Variants in PTBP2 observed in about 807,000 individuals in gnomAD.
PTBP2 encodes the protein polypyrimidine tract-binding protein 2.
PTBP2 carries 13 observed loss-of-function variants against 61.4 expected under a neutral mutation model. The ratio of observed to expected loss-of-function variants is 0.21; its 90% CI spans 0.14 to 0.34. The LOEUF is 0.34. PTBP2 is among the 10% of genes least tolerant of loss of function. PTBP2 has a pLI of 1.00. For missense variants in PTBP2, 405 were observed against 642.6 expected (o/e 0.63, Z 4.00); for synonymous variants, 215 against 218.5 (o/e 0.98, Z 0.14).
chr1:96,742,294 A>G (rs532722561), intron 2 of PTBP2, among the ~76,000 whole-genome samples: 1 of 152,328 alleles, frequency 6.6e-6, no homozygotes, highest in South Asian at 2.1e-4. Context: ...AAGGATTTTA[A>G]ACAGCTTATA....
chr1:96,736,319 TACTG>T lies in PTBP2; in HGVS notation c.39+12728_39+12731del, dbSNP rs1298852926. Among the ~76,000 whole-genome samples the T allele has an allele frequency of 4.6e-5, 7 of 152,322 alleles. No individual in the cohort carries two copies. The South Asian group carries it at 8.3e-4, about 18-fold the overall frequency. ...TGGTAGGTCTGTGAGTAAATCTAAT[TACTG>T]ACCATATAAGAATGTAATAGCAGTG... is the stretch of plus-strand genomic sequence containing the variant. On this transcript the variant is annotated intron_variant, in intron 2 of 13. Coordinates refer to ENST00000674951, the MANE Select transcript of PTBP2 (RefSeq NM_021190.4).
chr1:96,792,674 C>CA (rs1659975860), intron 8 of PTBP2, among the ~76,000 whole-genome samples: 1 of 151,552 alleles, frequency 6.6e-6, no homozygotes, highest in East Asian at 1.9e-4. Flanking sequence ...ATTAAAATAC[C>CA]AAAAATGTGT....
intron 3 of PTBP2, among the ~76,000 whole-genome samples, chr1:96,762,096 CA>C (rs1655960064): frequency 6.6e-6 from 1 of 151,206 alleles, no homozygotes; most frequent in Non-Finnish European, 1.5e-5. Context: ...TTTCTTAGTA[CA>C]GAACAAAATG....
At chr1:96,781,837 G>A (rs1303327805) in intron 7 of PTBP2, among the ~76,000 whole-genome samples, 1 of 151,890 alleles carries the variant, frequency 6.6e-6, no homozygotes, top group Non-Finnish European at 1.5e-5. Context: ...TCAATAAAAA[G>A]TATTTTATGC....
intron 2 of PTBP2, among the ~76,000 whole-genome samples, chr1:96,732,920 C>T (rs1651630934): frequency 6.6e-6 from 1 of 151,842 alleles, no homozygotes; most frequent in Admixed American, 6.6e-5. Flanking sequence ...TAGAAGACCT[C>T]AATTACAGGT....
intron 3 of PTBP2, among the ~76,000 whole-genome samples, chr1:96,758,459 A>G (rs910873786): frequency 6.6e-6 from 1 of 152,074 alleles, no homozygotes; most frequent in Admixed American, 6.5e-5. Flanking sequence ...AAGATTTCAG[A>G]CTAGTATTTC....
chr1:96,756,580 G>A (rs932725178), intron 3 of PTBP2, among the ~76,000 whole-genome samples: 1 of 151,780 alleles, frequency 6.6e-6, no homozygotes, highest in African/African-American at 2.4e-5. Flanking sequence ...ATAAACTGTG[G>A]TGTATATTCA....
intron 8 of PTBP2, among the ~76,000 whole-genome samples, chr1:96,800,709 G>A (rs950674466): frequency 1.3e-5 from 2 of 152,170 alleles, no homozygotes; most frequent in African/African-American, 4.8e-5. Context: ...ACTCTAGCCT[G>A]GGTGACAGAG....
intron 2 of PTBP2, among the ~76,000 whole-genome samples, chr1:96,734,598 T>G (rs1189711897): frequency 1.3e-5 from 2 of 152,016 alleles, no homozygotes; most frequent in Non-Finnish European, 2.9e-5. Context: ...TAAGTTGCAT[T>G]TCATTTGTTG....
At chr1:96,766,161 A>G (rs140496042) in intron 3 of PTBP2, among the ~76,000 whole-genome samples, 1 of 152,308 alleles carries the variant, frequency 6.6e-6, no homozygotes, top group African/African-American at 2.4e-5. Context: ...TTGGAAGAGA[A>G]GTATTCAAGT....
rs1047281758 is a variant in PTBP2, at chr1:96,722,504, A to G, written c.8+632A>G. On this transcript the variant is annotated intron_variant, in intron 1 of 13. Coordinates refer to ENST00000674951, the MANE Select transcript of PTBP2 (RefSeq NM_021190.4). Reference sequence around the variant, plus strand: ...GCAGATGTCATACTCCTTTGTTTTCATTTGAGTCTGGTAGTGGGGGCGGGA... The same window carrying G: ...GCAGATGTCATACTCCTTTGTTTTCGTTTGAGTCTGGTAGTGGGGGCGGGA... Among the ~76,000 whole-genome samples the G allele has an allele frequency of 4.2e-5, 6 of 142,354 alleles. 1 individual carries two copies. Among genetic ancestry groups the G allele is most frequent in the Non-Finnish European group, 6.1e-5 (4 of 65,796 alleles). 93.4% of individuals were successfully genotyped at this position (142,354 alleles called of 152,430 possible).
chr1:96,804,850 G>A lies in PTBP2; in HGVS notation c.955G>A (p.Ala319Thr). The A allele has an allele frequency of 6.2e-7, 1 of 1,611,340 alleles. No homozygotes were observed. The highest frequency in any genetic ancestry group is 8.5e-7 in the Non-Finnish European group (1 of 1,178,236). ...GGCCATTCCAAATGCTGCTGCAGCA[G>A]CTGCTGCAGCTGCTGCTGGCCGAGT... ...PLAIPNAAAA[A>T]AAAAAGRVGM... The change falls in exon 9 of 14, where the codon GCT becomes ACT. Residue 319 changes from alanine to threonine, a missense_variant. By Grantham distance (58) the Ala-to-Thr change is moderately conservative. This residue lies in a region of PTBP2 where 342 missense variants were observed against 491.2 expected (regional missense o/e 0.70). Coordinates refer to ENST00000674951, the MANE Select transcript of PTBP2 (RefSeq NM_021190.4).
chr1:96,762,062 T>TCACA (rs1655955303), intron 3 of PTBP2, among the ~76,000 whole-genome samples: 1 of 150,696 alleles, frequency 6.6e-6, no homozygotes, highest in Non-Finnish European at 1.5e-5. Flanking sequence ...GGGGGTAAGG[T>TCACA]CACAGATCAA....
chr1:96,768,953 C>G (rs781634329), intron 3 of PTBP2, among the ~76,000 whole-genome samples: 2 of 151,918 alleles, frequency 1.3e-5, no homozygotes, highest in Non-Finnish European at 2.9e-5. Context: ...TATAATTTCT[C>G]AGGTAAAATT....
At chr1:96,759,133 TAA>T (rs1207262319) in intron 3 of PTBP2, among the ~76,000 whole-genome samples, 7 of 152,158 alleles carry the variant, frequency 4.6e-5, no homozygotes, top group Admixed American at 3.3e-4. Context: ...AGAGAAGTTT[TAA>T]AAAGACTTAC....
intron 8 of PTBP2, 105 bp from the exon 9 acceptor site, chr1:96,804,695 C>A: frequency 8.9e-7 from 1 of 1,122,736 alleles, no homozygotes; most frequent in Non-Finnish European, 1.2e-6. Flanking sequence ...TTGGAATGGT[C>A]AGCCGTAAGC....
At chr1:96,739,827 T>C (rs1652759995) in intron 2 of PTBP2, among the ~76,000 whole-genome samples, 1 of 151,642 alleles carries the variant, frequency 6.6e-6, no homozygotes, top group African/African-American at 2.4e-5. Context: ...GGGGTTTCAC[T>C]GTAGCCAGGA....
intron 2 of PTBP2, among the ~76,000 whole-genome samples, chr1:96,737,068 C>T (rs1406981508): frequency 4.0e-5 from 6 of 151,868 alleles, no homozygotes; most frequent in Non-Finnish European, 8.8e-5. Context: ...CAAGCTCTGC[C>T]TCCTGGGTTC....
intron 2 of PTBP2, among the ~76,000 whole-genome samples, chr1:96,735,276 A>G (rs72721966): frequency 0.031 from 4,671 of 152,246 alleles, 85 homozygotes; most frequent in Non-Finnish European, 0.045. Context: ...GTAACTTAAA[A>G]TTCACATAAT....
Sources: allele counts gnomAD v4.1 joint callset (sites outside exome capture counted in the v4.1 genomes callset), GRCh38; gene constraint gnomAD v4.1.1; regional missense constraint gnomAD v4.1.1; transcripts MANE v1.5; gene names NCBI Gene and HGNC (gene_info 2026-07-23, HGNC 2026-07-21).